PIK3C2G: variants seen among roughly 807,000 people sequenced by gnomAD.
The protein encoded by PIK3C2G is phosphatidylinositol 3-kinase C2 domain-containing subunit gamma.
A neutral mutation model predicts 181.1 loss-of-function variants in PIK3C2G; 168 were observed. The ratio of observed to expected loss-of-function variants is 0.93; its 90% CI spans 0.82 to 1.05. The LOEUF is 1.05. Among genes scored for constraint, PIK3C2G ranks in the 50% least tolerant of loss-of-function variants. The probability of loss-of-function intolerance (pLI) is 0.00; values close to 1 mark genes in which losing one functional copy is unlikely to be tolerated. For missense variants in PIK3C2G, 1,869 were observed against 1,732.8 expected (o/e 1.08, Z -1.40); for synonymous variants, 573 against 592.2 (o/e 0.97, Z 0.47).
At chr12:18,621,549 T>A (rs1948863288) in intron 31 of PIK3C2G, among the ~76,000 whole-genome samples, 1 of 151,724 alleles carries the variant, frequency 6.6e-6, no homozygotes, top group Non-Finnish European at 1.5e-5. Flanking sequence ...TATATATATA[T>A]GTTATTAACA....
chr12:18,386,913 A>G (rs1428560249), intron 14 of PIK3C2G, among the ~76,000 whole-genome samples: 1 of 152,062 alleles, frequency 6.6e-6, no homozygotes, highest in African/African-American at 2.4e-5. Context: ...CTGAGTCTGT[A>G]TCTCTAGTTC....
chr12:18,435,144 T>C (rs1361733041), intron 18 of PIK3C2G, among the ~76,000 whole-genome samples: 1 of 152,118 alleles, frequency 6.6e-6, no homozygotes, highest in African/African-American at 2.4e-5. Context: ...CTTTTAAAAA[T>C]ACACAATGCC....
At chr12:18,458,608 G>T (rs764118217) in intron 18 of PIK3C2G, among the ~76,000 whole-genome samples, 29 of 152,134 alleles carry the variant, frequency 1.9e-4, no homozygotes, top group Non-Finnish European at 3.2e-4. Flanking sequence ...TCTTGTGATT[G>T]TGTTACATTA....
intron 20 of PIK3C2G, among the ~76,000 whole-genome samples, chr12:18,495,548 C>G (rs1940936762): frequency 6.6e-6 from 1 of 152,086 alleles, no homozygotes; most frequent in Admixed American, 6.6e-5. Flanking sequence ...GAATCTATCA[C>G]AAAGATGTAT....
chr12:18,642,313 C>CT (rs1949884297), intron 32 of PIK3C2G, among the ~76,000 whole-genome samples: 3 of 152,288 alleles, frequency 2.0e-5, no homozygotes, highest in African/African-American at 7.2e-5. Flanking sequence ...AGTCAAGGCT[C>CT]TTTATTTCCC....
At chr12:18,495,446 T>C (rs1361577812) in intron 20 of PIK3C2G, among the ~76,000 whole-genome samples, 1 of 152,134 alleles carries the variant, frequency 6.6e-6, no homozygotes, top group African/African-American at 2.4e-5. Context: ...AAAATGTTCA[T>C]TAACTAAAAG....
At chr12:18,378,321 C>A (rs988699001) in intron 13 of PIK3C2G, among the ~76,000 whole-genome samples, 9 of 149,728 alleles carry the variant, frequency 6.0e-5, no homozygotes, top group Non-Finnish European at 8.9e-5. Flanking sequence ...AGTTCCCCCC[C>A]CCGTAACTAA....
chr12:18,695,642 G>A, the PIK3C2G span, among the ~76,000 whole-genome samples: 1 of 151,960 alleles, frequency 6.6e-6, no homozygotes, highest in East Asian at 1.9e-4. Context: ...CAATCCAGTA[G>A]AAGGGTAACA....
intron 31 of PIK3C2G, among the ~76,000 whole-genome samples, chr12:18,616,765 G>C (rs144166233): frequency 1.8e-3 from 278 of 152,122 alleles, no homozygotes; most frequent in African/African-American, 6.3e-3. Flanking sequence ...GAACTTTAAA[G>C]ATTGATGAAC....
At chr12:18,682,417 T>C in the PIK3C2G span, among the ~76,000 whole-genome samples, 10 of 152,016 alleles carry the variant, frequency 6.6e-5, no homozygotes, top group Non-Finnish European at 1.0e-4. Context: ...ATCACTACTA[T>C]GCAACAATGT....
chr12:18,411,329 G>A (rs991756901), intron 16 of PIK3C2G, among the ~76,000 whole-genome samples: 1 of 152,116 alleles, frequency 6.6e-6, no homozygotes, highest in East Asian at 1.9e-4. Context: ...CAAACAAATG[G>A]TGTTGGGAAA....
chr12:18,259,772 A>T (rs1842086669), upstream of PIK3C2G, among the ~76,000 whole-genome samples: 1 of 152,080 alleles, frequency 6.6e-6, no homozygotes, highest in Non-Finnish European at 1.5e-5. Flanking sequence ...TTTTAAATAA[A>T]ATTTGCATTT....
intron 15 of PIK3C2G, among the ~76,000 whole-genome samples, chr12:18,395,123 C>A (rs534335176): frequency 6.5e-4 from 82 of 125,768 alleles, no homozygotes; most frequent in Non-Finnish European, 9.8e-4. Context: ...TTCTCTCTTT[C>A]CCTTCTTTCT....
intron 1 of PIK3C2G, among the ~76,000 whole-genome samples, chr12:18,272,988 T>TCA (rs34904946): frequency 0.37 from 55,747 of 149,818 alleles, 10,365 homozygotes; most frequent in Non-Finnish European, 0.41. Flanking sequence ...GAAATGACAC[T>TCA]CACACACACA....
the PIK3C2G span, among the ~76,000 whole-genome samples, chr12:18,713,219 T>C: frequency 6.6e-6 from 1 of 152,062 alleles, no homozygotes; most frequent in South Asian, 2.1e-4. Flanking sequence ...GCTAGTCAAA[T>C]GTTTTACTCT....
At chr12:18,519,359 T>C (rs1362697418) in intron 24 of PIK3C2G, among the ~76,000 whole-genome samples, 1 of 152,200 alleles carries the variant, frequency 6.6e-6, no homozygotes, top group Non-Finnish European at 1.5e-5. Flanking sequence ...AGTCTCAGTC[T>C]CTTTGTTGGT....
intron 18 of PIK3C2G, among the ~76,000 whole-genome samples, chr12:18,433,374 G>A (rs1010091224): frequency 2.6e-5 from 4 of 151,918 alleles, no homozygotes; most frequent in South Asian, 2.1e-4. Flanking sequence ...TTAGCTGGGC[G>A]TGGTGGCAGG....
intron 18 of PIK3C2G, among the ~76,000 whole-genome samples, chr12:18,439,958 T>C (rs1215041610): frequency 6.6e-6 from 1 of 152,098 alleles, no homozygotes; most frequent in African/African-American, 2.4e-5. Context: ...TGTTATCCTC[T>C]TTAATTCATA....
At chr12:18,627,575 T>C (rs1949159498) in intron 31 of PIK3C2G, among the ~76,000 whole-genome samples, 1 of 152,168 alleles carries the variant, frequency 6.6e-6, no homozygotes, top group Non-Finnish European at 1.5e-5. Flanking sequence ...GAGATATAAG[T>C]AGGTGACCTC....
Sources: gnomAD v4.1 joint callset for allele counts (sites outside exome capture counted in the v4.1 genomes callset) on GRCh38, gnomAD v4.1.1 for gene constraint, MANE v1.5 for transcripts, NCBI Gene and HGNC (gene_info 2026-07-23, HGNC 2026-07-21) for gene names.